Variants in DLGAP4 observed in about 807,000 individuals in gnomAD.
DLGAP4 encodes the protein disks large-associated protein 4.
In DLGAP4, 18 loss-of-function variants were observed where a neutral mutation model predicts 86.9. The observed-to-expected ratio is 0.21, with a 90% CI of 0.14 to 0.31. The LOEUF is 0.31. Ranked by LOEUF, DLGAP4 falls within the 10% of genes least tolerant of loss-of-function variation. DLGAP4 has a pLI of 1.00. For synonymous variants in DLGAP4, 548 were observed against 574.3 expected (o/e 0.95, Z 0.65); for missense variants, 1,085 against 1,362.6 (o/e 0.80, Z 3.21).
intron 1 of DLGAP4, among the ~76,000 whole-genome samples, chr20:36,365,167 G>A (rs2030641388): frequency 6.6e-6 from 1 of 152,226 alleles, no homozygotes; most frequent in African/African-American, 2.4e-5. Context: ...AGGAAGAGGT[G>A]GGGAATTTGA....
chr20:36,462,718 T>G, intron 7 of DLGAP4: 1 of 1,346,992 alleles, frequency 7.4e-7, no homozygotes, highest in Non-Finnish European at 9.9e-7. Context: ...CTCTGAGGCC[T>G]CCCACAAAGG....
intron 7 of DLGAP4, among the ~76,000 whole-genome samples, chr20:36,485,316 G>A (rs1344806991): frequency 4.0e-5 from 6 of 150,214 alleles, no homozygotes; most frequent in African/African-American, 1.5e-4. Flanking sequence ...AGAGGTCAAG[G>A]CTGCAGTGAG....
At position 36,499,203 on chromosome 20, in the gene DLGAP4, C is replaced by T. The variant is rs373940176; in HGVS notation, c.2011-385C>T. On this transcript the variant is annotated intron_variant, in intron 8 of 12. Coordinates refer to ENST00000339266, the MANE Select transcript of DLGAP4 (RefSeq NM_001365621.2). ...GTGTGTGTGTGTTTTCTTTCTCTTT[C>T]GTCGTCCTTTTTTTTTTTTCTCTCT... 6 of 1,552,612 alleles carry T rather than the reference C, an allele frequency of 3.9e-6. No homozygotes were observed. The South Asian group carries it at 4.6e-5, about 12-fold the overall frequency.
At chr20:36,497,310 C>T in intron 8 of DLGAP4, 2 of 1,375,052 alleles carry the variant, frequency 1.5e-6, no homozygotes, top group Non-Finnish European at 1.9e-6. Context: ...TGGGTTGTCC[C>T]AGTGAATGTA....
At chr20:36,435,657 CA>C (rs1158020158) in intron 3 of DLGAP4, among the ~76,000 whole-genome samples, 1 of 152,220 alleles carries the variant, frequency 6.6e-6, no homozygotes, top group African/African-American at 2.4e-5. Context: ...GCTGATGTGC[CA>C]GGGTCGTCTG....
chr20:36,453,511 T>C (rs932588051), intron 7 of DLGAP4, among the ~76,000 whole-genome samples: 4 of 151,812 alleles, frequency 2.6e-5, no homozygotes, highest in Non-Finnish European at 5.9e-5. Flanking sequence ...TAGCTGTGCA[T>C]GGTGGTCACA....
At chr20:36,464,998 C>A (rs2034277659) in intron 7 of DLGAP4, among the ~76,000 whole-genome samples, 1 of 152,136 alleles carries the variant, frequency 6.6e-6, no homozygotes, top group Non-Finnish European at 1.5e-5. Context: ...CTTATCTGGA[C>A]TCAAGATCTG....
intron 8 of DLGAP4, chr20:36,499,339 T>C (rs759008388): frequency 6.8e-6 from 11 of 1,611,588 alleles, no homozygotes. Flanking sequence ...AAGCCAGTCA[T>C]CTCCACCCCA....
chr20:36,490,563 G>T (rs2035615175), intron 7 of DLGAP4, among the ~76,000 whole-genome samples: 1 of 152,190 alleles, frequency 6.6e-6, no homozygotes, highest in South Asian at 2.1e-4. Flanking sequence ...GCCTTTCTCT[G>T]GGGTCAGCTT....
intron 2 of DLGAP4, among the ~76,000 whole-genome samples, chr20:36,421,332 C>T (rs1333485880): frequency 1.3e-5 from 2 of 151,596 alleles, no homozygotes; most frequent in African/African-American, 4.9e-5. Context: ...GTGACGTGTG[C>T]CTTTAATCCC....
rs1266112501 is a variant in DLGAP4 at position 36,487,678 on chromosome 20, T to C, written c.1649-9027T>C. ...CTGTATTTCCTTGCCACTAAGCGAC[T>C]CTCACCACCCATCTAGACGCAGGCA... On this transcript the variant is annotated intron_variant, in intron 7 of 12. Coordinates refer to ENST00000339266, the MANE Select transcript of DLGAP4 (RefSeq NM_001365621.2). Among the ~76,000 whole-genome samples the C allele has an allele frequency of 2.6e-5, 4 of 152,156 alleles. No individual in the cohort carries two copies. The East Asian group carries it at 7.7e-4, about 29-fold the overall frequency.
chr20:36,490,689 C>T (rs935382975), intron 7 of DLGAP4, among the ~76,000 whole-genome samples: 6 of 152,210 alleles, frequency 3.9e-5, no homozygotes, highest in African/African-American at 1.4e-4. Flanking sequence ...GAGTGTAGAC[C>T]GCCTCTCCTT....
In DLGAP4 at chr20:36,308,103, G is replaced by C. The variant is rs1376605386; in HGVS notation, c.-304+1591G>C. Among the ~76,000 whole-genome samples, 5 of 152,232 alleles carry C rather than the reference G, an allele frequency of 3.3e-5. No homozygotes were observed. The highest frequency in any genetic ancestry group is 1.2e-4 in the African/African-American group (5 of 41,456). On this transcript the variant is annotated intron_variant, in intron 1 of 12. Coordinates refer to ENST00000339266, the MANE Select transcript of DLGAP4 (RefSeq NM_001365621.2). This position sits in a 1 kb window ranked among gnomAD's most constrained non-coding sequence, Gnocchi z 4.5. ...TCCGAGTGTGTTCCCAGCAGCTCCG[G>C]AGACGCTGGCTGTGCACGTGGGGCT...
chr20:36,386,994 C>T (rs1395069761), intron 2 of DLGAP4, among the ~76,000 whole-genome samples: 1 of 152,178 alleles, frequency 6.6e-6, no homozygotes, highest in Non-Finnish European at 1.5e-5. Context: ...CCACATCCTC[C>T]TGCCGGTGGA....
intron 2 of DLGAP4, among the ~76,000 whole-genome samples, chr20:36,419,785 C>A (rs1179942951): frequency 6.6e-6 from 1 of 152,228 alleles, no homozygotes; most frequent in Non-Finnish European, 1.5e-5. Flanking sequence ...GGGAGCAAAG[C>A]AGAAGCTGCA....
intron 11 of DLGAP4, among the ~76,000 whole-genome samples, chr20:36,525,255 C>CAA (rs1569527336): frequency 1.4e-5 from 1 of 70,806 alleles, no homozygotes; most frequent in Non-Finnish European, 2.8e-5. Context: ...AAAAAAAAAA[C>CAA]AAAGAAATCC....
intron 2 of DLGAP4, among the ~76,000 whole-genome samples, chr20:36,423,448 T>C (rs1478108035): frequency 1.3e-4 from 11 of 86,758 alleles, no homozygotes; most frequent in Non-Finnish European, 2.2e-4. Context: ...AGAGCAAGAC[T>C]CCGTCTCAAA....
rs892897008 is a variant in DLGAP4, at chr20:36,419,285, G to A, written c.-72-12361G>A. Among the ~76,000 whole-genome samples, 6 of 151,910 alleles carry A rather than the reference G, an allele frequency of 3.9e-5. 1 individual carries two copies. In the South Asian group the frequency reaches 1.0e-3, roughly 26 times the overall value. On this transcript the variant is annotated intron_variant, in intron 2 of 12. Coordinates refer to ENST00000339266, the MANE Select transcript of DLGAP4 (RefSeq NM_001365621.2). ...CTACAGCTGCGTGCCACCATACCCA[G>A]CTAATTTTCTCATGCTTTATTTTTT... is the stretch of plus-strand genomic sequence containing the variant.
chr20:36,314,895 G>C (rs1171528134), intron 1 of DLGAP4, among the ~76,000 whole-genome samples: 2 of 141,222 alleles, frequency 1.4e-5, no homozygotes, highest in East Asian at 4.4e-4. Context: ...TGTGTGATGT[G>C]TGGTGTGTGA....
Sources: allele counts gnomAD v4.1 joint callset (sites outside exome capture counted in the v4.1 genomes callset), GRCh38; gene constraint gnomAD v4.1.1; non-coding constraint Gnocchi (gnomAD v3.1); transcripts MANE v1.5; gene names NCBI Gene and HGNC (gene_info 2026-07-23, HGNC 2026-07-21).